Variants in ASAP3 observed in about 807,000 individuals in gnomAD.
ASAP3 encodes the protein ArfGAP with SH3 domain, ankyrin repeat and PH domain 3.
Under a neutral mutation model 118.2 loss-of-function variants are expected in ASAP3, and 85 were observed. The observed-to-expected ratio is 0.72, with a 90% CI of 0.60 to 0.86. The LOEUF is 0.86. Among genes scored for constraint, ASAP3 ranks in the 40% least tolerant of loss-of-function variants. The pLI is 0.00. For missense variants in ASAP3, 1,026 were observed against 1,175.0 expected (o/e 0.87, Z 1.85); for synonymous variants, 432 against 477.4 (o/e 0.90, Z 1.24).
rs1642416219 is a variant in ASAP3, at chr1:23,484,134, G to A, written c.-1C>T. The A allele has an allele frequency of 1.6e-6, 2 of 1,274,090 alleles. No homozygotes were observed. Among genetic ancestry groups the A allele is most frequent in the Non-Finnish European group, 2.0e-6 (2 of 1,012,010 alleles). The allele number at this position is 1,274,090 out of a possible 1,614,324, so 78.9% of individuals were successfully genotyped here. A position where few individuals can be genotyped will look rare whatever the true frequency, so the allele number is the denominator to read the frequency against. On this transcript the variant is annotated 5_prime_UTR_variant, in exon 1 of 25. Transcript: ENST00000336689. ...CGGCGACGCTGAACTGCTCCGGCAT[G>A]GCGGGCGCGAGCGTGGAGCTGCCGG...
intron 5 of ASAP3, among the ~76,000 whole-genome samples, chr1:23,444,066 AC>A (rs1417129423): frequency 6.6e-6 from 1 of 151,996 alleles, no homozygotes; most frequent in Non-Finnish European, 1.5e-5. Context: ...ACGGAGTTTC[AC>A]CATGTTGGCC....
chr1:23,460,586 T>C (rs1455223918), intron 1 of ASAP3, among the ~76,000 whole-genome samples: 1 of 150,426 alleles, frequency 6.6e-6, no homozygotes, highest in African/African-American at 2.5e-5. Flanking sequence ...ACACAAATAC[T>C]GACAAAGATG....
Position 23,429,727 on chromosome 1 carries a change from A to G in ASAP3, c.*129T>C. 4.3e-6 allele frequency: 4 copies of G among 925,186 alleles called. No individual in the cohort carries two copies. Among genetic ancestry groups the G allele is most frequent in the Non-Finnish European group, 6.4e-6 (4 of 624,016 alleles). The allele number at this position is 925,186 out of a possible 1,614,324, so 57.3% of individuals were successfully genotyped here. Reference sequence around the variant, plus strand: ...GCCTGTGGCAGGAAGAAGGCCAGCTACAGAGGCACAAGGGACAGAGAGAGT... The same window carrying G: ...GCCTGTGGCAGGAAGAAGGCCAGCTGCAGAGGCACAAGGGACAGAGAGAGT... On this transcript the variant is annotated 3_prime_UTR_variant, in exon 25 of 25. Transcript: ENST00000336689.
intron 9 of ASAP3, 80 bp downstream of exon 9, chr1:23,441,307 C>A: frequency 6.2e-7 from 1 of 1,604,874 alleles, no homozygotes; most frequent in Non-Finnish European, 8.5e-7. Flanking sequence ...CCAGGGGACC[C>A]TGTGGGTCTT....
intron 3 of ASAP3, among the ~76,000 whole-genome samples, chr1:23,453,865 A>G (rs1051929619): frequency 1.1e-4 from 16 of 152,102 alleles, no homozygotes; most frequent in African/African-American, 3.9e-4. Flanking sequence ...CTCCCCCACT[A>G]GACTGTGGCT....
chr1:23,469,315 A>G (rs751302358), intron 1 of ASAP3, among the ~76,000 whole-genome samples: 3 of 152,142 alleles, frequency 2.0e-5, no homozygotes, highest in Admixed American at 6.6e-5. Flanking sequence ...CAAAAATAAT[A>G]ATAACAATAA....
chr1:23,472,339 G>A (rs1641988205), intron 1 of ASAP3, among the ~76,000 whole-genome samples: 1 of 152,170 alleles, frequency 6.6e-6, no homozygotes, highest in African/African-American at 2.4e-5. Flanking sequence ...CAAATGTTTT[G>A]TTTTGTTTTC....
chr1:23,469,403 C>T (rs1641891235), intron 1 of ASAP3, among the ~76,000 whole-genome samples: 2 of 152,156 alleles, frequency 1.3e-5, no homozygotes, highest in Non-Finnish European at 2.9e-5. Flanking sequence ...AGGTTTTATT[C>T]TATAAGTGAT....
chr1:23,442,071 T>C, intron 7 of ASAP3, 115 bp downstream of exon 7: 1 of 1,136,458 alleles, frequency 8.8e-7, no homozygotes, highest in Non-Finnish European at 1.3e-6. Context: ...ACTATGAAAG[T>C]TCTGCCAAAA....
At chr1:23,469,913 G>T (rs12090014) in intron 1 of ASAP3, among the ~76,000 whole-genome samples, 17 of 152,136 alleles carry the variant, frequency 1.1e-4, no homozygotes, top group African/African-American at 3.6e-4. Flanking sequence ...CTCTCTCTGA[G>T]CCCCAGTTAT....
rs765633819 is a variant in ASAP3, at chr1:23,434,628, C to A, written c.1750-10G>T. The A allele has an allele frequency of 1.9e-6, 3 of 1,612,638 alleles. No individual in the cohort carries two copies. In the African/African-American group the frequency reaches 4.1e-5, roughly 22 times the overall value. On this transcript the variant is annotated splice_polypyrimidine_tract_variant and intron_variant, in intron 17 of 24. Coordinates refer to ENST00000336689, the MANE Select transcript of ASAP3 (RefSeq NM_017707.4). ...CGAGTTCTTCAGGTGCCTGAAAACA[C>A]ATCCACACCTCTGAGATTCCCCCCC...
At chr1:23,456,073 T>C in intron 2 of ASAP3, 47 bp from the exon 3 acceptor site, 2 of 1,614,036 alleles carry the variant, frequency 1.2e-6, no homozygotes, top group Non-Finnish European at 1.7e-6. Context: ...AGGCTGGGGC[T>C]GGGAGAGGGG....
rs1640723569 is a variant in ASAP3, at chr1:23,437,568, G to A, written c.1103-96C>T. 6.9e-7 allele frequency: 1 copy of A among 1,458,638 alleles called. No individual in the cohort carries two copies. Among genetic ancestry groups the A allele is most frequent in the African/African-American group, 1.4e-5 (1 of 71,338 alleles). The allele number at this position is 1,458,638 out of a possible 1,614,324, so 90.4% of individuals were successfully genotyped here. A position where few individuals can be genotyped will look rare whatever the true frequency, so the allele number is the denominator to read the frequency against. Reference sequence around the variant, plus strand: ...ACCAAAGCCGCTGGGGCCACATGGAGATGTGTCCCTGACAAGTCGGACTCT... The same window carrying A: ...ACCAAAGCCGCTGGGGCCACATGGAAATGTGTCCCTGACAAGTCGGACTCT... On this transcript the variant is annotated intron_variant, in intron 12 of 24. Coordinates refer to ENST00000336689, the MANE Select transcript of ASAP3 (RefSeq NM_017707.4). This position sits in a 1 kb window ranked among gnomAD's most constrained non-coding sequence, Gnocchi z 6.1.
rs1640363130 is a variant in ASAP3, at chr1:23,429,910, A to G, written c.2658T>C (p.Asp886=). Residue 886 remains aspartate, a synonymous_variant, in exon 25 of 25, where the codon GAT becomes GAC. Coordinates refer to ENST00000336689, the MANE Select transcript of ASAP3 (RefSeq NM_017707.4). Reference sequence around the variant, plus strand: ...CTGGGAGACTCCCAGTCCTTGAGCCATCTCCTTCAGTGATGCCAACCTGCA... The same window carrying G: ...CTGGGAGACTCCCAGTCCTTGAGCCGTCTCCTTCAGTGATGCCAACCTGCA... ...RNVPVGITEG[D]GSRTGSLPAS... The G allele has an allele frequency of 6.2e-7, 1 of 1,613,906 alleles. No homozygotes were observed. Among genetic ancestry groups the G allele is most frequent in the African/African-American group, 1.3e-5 (1 of 74,942 alleles).
rs1475794699 is a variant in ASAP3 at position 23,438,876 on chromosome 1, G to C, written c.1015-42C>G. On this transcript the variant is annotated intron_variant, in intron 11 of 24. Transcript: ENST00000336689. This position sits in a 1 kb window ranked among gnomAD's most constrained non-coding sequence, Gnocchi z 4.9. ...GCGGAGGATGTATGCATTACCTCTGGCCCTCCACATTCTTTAGGCCTCCAT... is the reference window on the plus strand; with the variant it reads ...GCGGAGGATGTATGCATTACCTCTGCCCCTCCACATTCTTTAGGCCTCCAT... The C allele has an allele frequency of 6.3e-7, 1 of 1,578,896 alleles. No homozygotes were observed. Among genetic ancestry groups the C allele is most frequent in the Non-Finnish European group, 8.7e-7 (1 of 1,148,504 alleles).
intron 1 of ASAP3, among the ~76,000 whole-genome samples, chr1:23,472,878 A>T (rs1642004794): frequency 6.6e-6 from 1 of 152,200 alleles, no homozygotes; most frequent in Admixed American, 6.5e-5. Flanking sequence ...TAATTCACAG[A>T]TCAGAAAACT....
intron 3 of ASAP3, 97 bp downstream of exon 3, chr1:23,455,784 A>T (rs1466902888): frequency 1.3e-6 from 2 of 1,514,464 alleles, no homozygotes; most frequent in Non-Finnish European, 1.8e-6. Flanking sequence ...ATCAAGGGCA[A>T]ATTGGGAGAA....
chr1:23,468,190 C>A (rs2148654319), intron 1 of ASAP3, among the ~76,000 whole-genome samples: 1 of 152,252 alleles, frequency 6.6e-6, no homozygotes, highest in Admixed American at 6.5e-5. Context: ...AAGACTCTAA[C>A]TCCCTTGTTC....
Position 23,439,197 on chromosome 1 carries a change from T to A in ASAP3, c.978A>T (p.Gly326=), listed in dbSNP as rs1311889124. 6.2e-7 allele frequency: 1 copy of A among 1,614,050 alleles called. No individual in the cohort carries two copies. Among genetic ancestry groups the A allele is most frequent in the South Asian group, 1.1e-5 (1 of 91,076 alleles). Residue 326 remains glycine, a synonymous_variant, in exon 11 of 25, where the codon GGA becomes GGT. Transcript: ENST00000336689. ...AGATGGTCAGGCAGCCATACTTGACTCCACACTTCCTTTTCTGCCAGACTC... is the reference window on the plus strand; with the variant it reads ...AGATGGTCAGGCAGCCATACTTGACACCACACTTCCTTTTCTGCCAGACTC... ...IRRVWQKRKC[G]VKYGCLTISH... is the part of the protein sequence containing the mutation.
Sources: allele counts gnomAD v4.1 joint callset (sites outside exome capture counted in the v4.1 genomes callset), GRCh38; gene constraint gnomAD v4.1.1; non-coding constraint Gnocchi (gnomAD v3.1); transcripts MANE v1.5; gene names NCBI Gene and HGNC (gene_info 2026-07-23, HGNC 2026-07-21).